TMEM63B: variants seen among roughly 807,000 people sequenced by gnomAD.
TMEM63B encodes transmembrane protein 63B, also known as mechanosensitive cation channel TMEM63B.
A neutral mutation model predicts 102.6 loss-of-function variants in TMEM63B; 23 were observed. The ratio of observed to expected loss-of-function variants is 0.22; its 90% CI spans 0.16 to 0.32. TMEM63B has a LOEUF of 0.32. Ranked by LOEUF, TMEM63B falls within the 10% of genes least tolerant of loss-of-function variation. The pLI is 1.00. For synonymous variants in TMEM63B, 444 were observed against 437.0 expected, an observed-to-expected ratio of 1.02 and a Z score of -0.20; for missense variants, 628 against 1,095.9, an observed-to-expected ratio of 0.57 and a Z score of 6.03.
intron 8 of TMEM63B, 38 bp from the exon 9 acceptor site, chr6:44,140,214 C>T (rs1355923557): frequency 3.3e-6 from 5 of 1,537,702 alleles, no homozygotes; most frequent in Non-Finnish European, 2.7e-6. Context: ...TGTGTCCTAG[C>T]CCCAGTGGCT....
At chr6:44,136,996 G>A (rs1167603189) in intron 5 of TMEM63B, among the ~76,000 whole-genome samples, 1 of 151,406 alleles carries the variant, frequency 6.6e-6, no homozygotes, top group African/African-American at 2.5e-5. Flanking sequence ...AGTGAGCTGA[G>A]ATGGCGCCAC....
chr6:44,151,309 ACT>A (rs751524719), intron 18 of TMEM63B, among the ~76,000 whole-genome samples: 6 of 151,876 alleles, frequency 4.0e-5, no homozygotes, highest in Non-Finnish European at 8.8e-5. Context: ...GTGGGCACAA[ACT>A]CTAGGGGTTT....
intron 23 of TMEM63B, 47 bp from the exon 24 acceptor site, chr6:44,154,645 A>G: frequency 6.6e-7 from 1 of 1,523,188 alleles, no homozygotes; most frequent in Non-Finnish European, 8.8e-7. Context: ...CCCGCAATCC[A>G]TGAGGGGCAG....
At chr6:44,139,889 G>A in intron 8 of TMEM63B, 130 bp downstream of exon 8, 9 of 1,171,088 alleles carry the variant, frequency 7.7e-6, no homozygotes, top group Non-Finnish European at 1.1e-5. Context: ...GTCCCTGAGG[G>A]CTTGGGTTGG....
chr6:44,150,672 G>A lies in TMEM63B; in HGVS notation c.1673+43G>A, dbSNP rs763649091. ...CTAGGGAAAGAGACCAGACAGCAGG[G>A]GTGGGTATGCTTGAGAGACATTGCC... On this transcript the variant is annotated intron_variant, in intron 18 of 23. Coordinates refer to ENST00000323267, the MANE Select transcript of TMEM63B (RefSeq NM_018426.3). The surrounding 1 kb of genome is among the most constrained non-coding windows in gnomAD (Gnocchi z 4.7). 1 of 1,594,938 alleles carries A rather than the reference G, an allele frequency of 6.3e-7. No homozygotes were observed. The highest frequency in any genetic ancestry group is 8.6e-7 in the Non-Finnish European group (1 of 1,163,442).
chr6:44,137,014 T>C (rs1763107048), intron 5 of TMEM63B, among the ~76,000 whole-genome samples: 1 of 152,208 alleles, frequency 6.6e-6, no homozygotes, highest in Non-Finnish European at 1.5e-5. Context: ...CACTGCACTC[T>C]AGCCTGGGTG....
intron 4 of TMEM63B, among the ~76,000 whole-genome samples, chr6:44,136,011 GCC>G (rs1203972702): frequency 3.3e-5 from 5 of 152,040 alleles, no homozygotes; most frequent in Non-Finnish European, 5.9e-5. Context: ...TGGCTCCGTT[GCC>G]CGCCCCCGGC....
intron 22 of TMEM63B, 63 bp from the exon 23 acceptor site, chr6:44,154,302 G>C (rs114777524): frequency 1.2e-6 from 2 of 1,604,974 alleles, no homozygotes; most frequent in East Asian, 2.2e-5. Flanking sequence ...CCAAGCGGGC[G>C]TGGGGTCATG....
Position 44,155,181 on chromosome 6 carries a change from A to T in TMEM63B, c.*298A>T. 1 of 212,686 alleles carries T rather than the reference A, an allele frequency of 4.7e-6. No individual in the cohort carries two copies. The highest frequency in any genetic ancestry group is 9.3e-6 in the Non-Finnish European group (1 of 107,676). The allele number at this position is 212,686 out of a possible 1,614,324, so 13.2% of individuals were successfully genotyped here. Reference sequence around the variant, plus strand: ...TAGTAGCATGACCAGGAGAGGGTTAATGAGAGCCAAGAGGAGTACCTGGTG... The same window carrying T: ...TAGTAGCATGACCAGGAGAGGGTTATTGAGAGCCAAGAGGAGTACCTGGTG... On this transcript the variant is annotated 3_prime_UTR_variant, in exon 24 of 24. Transcript: ENST00000323267.
Position 44,152,464 on chromosome 6 carries a change from T to A in TMEM63B, c.1837-129T>A. The A allele has an allele frequency of 1.4e-6, 1 of 703,392 alleles. No individual in the cohort carries two copies. The highest frequency in any genetic ancestry group is 2.5e-6 in the Non-Finnish European group (1 of 401,492). The allele number at this position is 703,392 out of a possible 1,614,324, so 43.6% of individuals were successfully genotyped here. The stretch of plus-strand genomic sequence containing the variant: ...GCTCTGCCCTACCCTACCCTAGACA[T>A]TAGGTCCTGTTCCCCATGGCTTCTT... On this transcript the variant is annotated intron_variant, in intron 19 of 23. Transcript: ENST00000323267. The surrounding 1 kb of genome is among the most constrained non-coding windows in gnomAD (Gnocchi z 6.4).
At chr6:44,144,337 C>G (rs116251469) in intron 10 of TMEM63B, among the ~76,000 whole-genome samples, 1 of 152,194 alleles carries the variant, frequency 6.6e-6, no homozygotes, top group East Asian at 1.9e-4. Flanking sequence ...TGCAAATCAA[C>G]GGGCCTGTGT....
chr6:44,145,307 A>G lies in TMEM63B; in HGVS notation c.783-1540A>G, dbSNP rs1478171821. Among the ~76,000 whole-genome samples, 5 of 147,806 alleles carry G rather than the reference A, an allele frequency of 3.4e-5. No individual in the cohort carries two copies. In the South Asian group the frequency reaches 1.1e-3, roughly 32 times the overall value. On this transcript the variant is annotated intron_variant, in intron 10 of 23. Coordinates refer to ENST00000323267, the MANE Select transcript of TMEM63B (RefSeq NM_018426.3). ...AAAAAAAAAAGCTATTAGGCTGGGT[A>G]TGGCAGCTCATGCCTATAATCCCAG...
chr6:44,132,888 G>A (rs1762231840), intron 1 of TMEM63B, among the ~76,000 whole-genome samples: 1 of 152,146 alleles, frequency 6.6e-6, no homozygotes, highest in Admixed American at 6.5e-5. Context: ...AAGCACCGTG[G>A]TGCCCTGAAA....
intron 1 of TMEM63B, among the ~76,000 whole-genome samples, chr6:44,129,809 C>T (rs1222146180): frequency 6.6e-6 from 1 of 152,126 alleles, no homozygotes; most frequent in Non-Finnish European, 1.5e-5. Context: ...TCCTAGAGCC[C>T]ATTATATGCC....
rs758101181 is a variant in TMEM63B, at chr6:44,152,740, AC to A, written c.1942+45del. ...CGGGACCTGGGCCCTGCTCGGGGGG[AC>A]CCAGGACTTCACCCTCTCCACTCTA... On this transcript the variant is annotated intron_variant, in intron 20 of 23. Coordinates refer to ENST00000323267, the MANE Select transcript of TMEM63B (RefSeq NM_018426.3). The surrounding 1 kb of genome is among the most constrained non-coding windows in gnomAD (Gnocchi z 6.4). 9.3e-6 allele frequency: 14 copies of A among 1,507,478 alleles called. No individual in the cohort carries two copies. Among genetic ancestry groups the A allele is most frequent in the Non-Finnish European group, 1.3e-5 (14 of 1,096,030 alleles). The allele number at this position is 1,507,478 out of a possible 1,614,324, so 93.4% of individuals were successfully genotyped here.
intron 8 of TMEM63B, among the ~76,000 whole-genome samples, 192 bp downstream of exon 8, chr6:44,139,951 C>G (rs925217403): frequency 6.6e-6 from 1 of 152,064 alleles, no homozygotes; most frequent in Admixed American, 6.5e-5. Context: ...GAAGAGGATA[C>G]AGAAGAGGAG....
chr6:44,141,884 G>A (rs574944157), intron 10 of TMEM63B, among the ~76,000 whole-genome samples: 1 of 152,178 alleles, frequency 6.6e-6, no homozygotes, highest in Non-Finnish European at 1.5e-5. Context: ...CACTTTGGGA[G>A]GCCAAAGTGG....
rs368209489 is a variant in TMEM63B at position 44,152,711 on chromosome 6, G to A, written c.1942+13G>A. Reference sequence around the variant, plus strand: ...ATCGTGCCCTTCGGTAGGCACCGCCGCGCCGGGACCTGGGCCCTGCTCGGG... The same window carrying A: ...ATCGTGCCCTTCGGTAGGCACCGCCACGCCGGGACCTGGGCCCTGCTCGGG... On this transcript the variant is annotated intron_variant, in intron 20 of 23. Coordinates refer to ENST00000323267, the MANE Select transcript of TMEM63B (RefSeq NM_018426.3). This position sits in a 1 kb window ranked among gnomAD's most constrained non-coding sequence, Gnocchi z 6.4. 8.6e-5 allele frequency: 138 copies of A among 1,599,580 alleles called. 1 individual carries two copies. Among genetic ancestry groups the A allele is most frequent in the East Asian group, 2.9e-4 (13 of 44,850 alleles).
chr6:44,138,313 TCC>T (rs1763419867), intron 5 of TMEM63B, 165 bp from the exon 6 acceptor site: 1 of 768,632 alleles, frequency 1.3e-6, no homozygotes, highest in African/African-American at 1.7e-5. Flanking sequence ...CCTCTCTCTC[TCC>T]CTTTTTGGGT....
Sources: allele counts gnomAD v4.1 joint callset (sites outside exome capture counted in the v4.1 genomes callset), GRCh38; gene constraint gnomAD v4.1.1; non-coding constraint Gnocchi (gnomAD v3.1); transcripts MANE v1.5; gene names NCBI Gene and HGNC (gene_info 2026-07-23, HGNC 2026-07-21).